The following CADPS variants were observed in gnomAD, a reference collection of about 807,000 sequenced individuals.
CADPS encodes calcium-dependent secretion activator 1.
A neutral mutation model predicts 167.3 loss-of-function variants in CADPS; 57 were observed. The ratio of observed to expected loss-of-function variants is 0.34; its 90% CI spans 0.28 to 0.42. The LOEUF is 0.42. Among genes scored for constraint, CADPS ranks in the 20% least tolerant of loss-of-function variants. CADPS has a pLI of 1.00. For synonymous variants in CADPS, 676 were observed against 635.3 expected (o/e 1.06, Z -0.96); for missense variants, 1,414 against 1,738.1 (o/e 0.81, Z 3.32).
At chr3:62,863,663 G>A (rs867883913) in intron 1 of CADPS, among the ~76,000 whole-genome samples, 2 of 152,142 alleles carry the variant, frequency 1.3e-5, no homozygotes, top group East Asian at 1.9e-4. Context: ...ATCTACTTAC[G>A]CCATGGAAGT....
At chr3:62,649,068 G>A (rs1430347944) in intron 5 of CADPS, among the ~76,000 whole-genome samples, 2 of 152,142 alleles carry the variant, frequency 1.3e-5, no homozygotes, top group Non-Finnish European at 2.9e-5. Context: ...CTTTAATGAT[G>A]TTTTAGAAAA....
rs140362868 is a variant in CADPS, at chr3:62,443,495, A to T, written c.3669+2270T>A. Among the ~76,000 whole-genome samples the T allele has an allele frequency of 2.9e-3, 445 of 152,218 alleles. 4 individuals carry two copies. Among genetic ancestry groups the T allele is most frequent in the African/African-American group, 9.8e-3 (408 of 41,532 alleles). ...TTGGCTGTGTCCCCACCCAAATCTC[A>T]TCTTGAATTATAGCTCCCACAATCC... is the stretch of plus-strand genomic sequence containing the variant. On this transcript the variant is annotated intron_variant, in intron 27 of 29. Transcript: ENST00000383710.
At chr3:62,529,294 T>C (rs1424472531) in intron 13 of CADPS, among the ~76,000 whole-genome samples, 1 of 152,188 alleles carries the variant, frequency 6.6e-6, no homozygotes, top group Non-Finnish European at 1.5e-5. Context: ...TAAGCCTCAA[T>C]AGGACCAGTC....
At chr3:62,802,530 G>A (rs1269313274) in intron 1 of CADPS, among the ~76,000 whole-genome samples, 9 of 152,104 alleles carry the variant, frequency 5.9e-5, no homozygotes. Context: ...AAAGTGATAG[G>A]CACCTAAAAC....
intron 16 of CADPS, among the ~76,000 whole-genome samples, chr3:62,513,077 A>G (rs1285381032): frequency 6.6e-6 from 1 of 152,156 alleles, no homozygotes; most frequent in African/African-American, 2.4e-5. Context: ...CAAAGTTTAG[A>G]GGACAAGGAC....
chr3:62,852,647 A>C (rs2078865644), intron 1 of CADPS, among the ~76,000 whole-genome samples: 1 of 152,068 alleles, frequency 6.6e-6, no homozygotes, highest in Non-Finnish European at 1.5e-5. Context: ...GTTTACTCTG[A>C]ATTTCCTGAC....
intron 1 of CADPS, among the ~76,000 whole-genome samples, chr3:62,781,202 C>A (rs1382902490): frequency 6.6e-6 from 1 of 152,072 alleles, no homozygotes; most frequent in Non-Finnish European, 1.5e-5. Flanking sequence ...AGGGCAGACT[C>A]CACAATCTCT....
chr3:62,470,165 T>A (rs906282766), intron 24 of CADPS, among the ~76,000 whole-genome samples: 1 of 152,202 alleles, frequency 6.6e-6, no homozygotes, highest in Non-Finnish European at 1.5e-5. Flanking sequence ...AAACTATGCT[T>A]AACAAATGTT....
intron 8 of CADPS, among the ~76,000 whole-genome samples, chr3:62,584,414 C>T (rs1191835361): frequency 6.6e-6 from 1 of 152,184 alleles, no homozygotes; most frequent in Non-Finnish European, 1.5e-5. Flanking sequence ...AGGGGCTAAG[C>T]AGAATGATAG....
intron 3 of CADPS, among the ~76,000 whole-genome samples, chr3:62,726,765 C>G (rs73107679): frequency 5.9e-5 from 9 of 151,872 alleles, no homozygotes; most frequent in South Asian, 2.1e-4. Context: ...TCCTACCAAC[C>G]AATAAACCCT....
chr3:62,550,806 T>A (rs1302541156), intron 10 of CADPS: 4 of 456,568 alleles, frequency 8.8e-6, no homozygotes, highest in Admixed American at 4.7e-5. Flanking sequence ...CTGAATCCAA[T>A]GACTGATTAA....
intron 1 of CADPS, among the ~76,000 whole-genome samples, chr3:62,830,490 G>A (rs1411741394): frequency 1.3e-5 from 2 of 152,150 alleles, no homozygotes; most frequent in Non-Finnish European, 2.9e-5. Flanking sequence ...TACTTGTGCT[G>A]TGTCTTTGTT....
At chr3:62,553,357 C>T (rs1044049690) in intron 10 of CADPS, among the ~76,000 whole-genome samples, 1 of 152,198 alleles carries the variant, frequency 6.6e-6, no homozygotes, top group South Asian at 2.1e-4. Context: ...TCCCAACAGC[C>T]TTATGATGTA....
intron 17 of CADPS, among the ~76,000 whole-genome samples, chr3:62,510,577 A>C (rs2067597542): frequency 6.6e-6 from 1 of 152,166 alleles, no homozygotes. Context: ...ATTAAATTGA[A>C]CATTTAATTT....
chr3:62,799,209 T>G (rs2093625237), intron 1 of CADPS, among the ~76,000 whole-genome samples: 1 of 152,152 alleles, frequency 6.6e-6, no homozygotes, highest in Admixed American at 6.6e-5. Context: ...TCTGAGGAAC[T>G]GTGCATTTCT....
At chr3:62,667,209 G>A (rs1361008964) in intron 3 of CADPS, among the ~76,000 whole-genome samples, 2 of 152,130 alleles carry the variant, frequency 1.3e-5, no homozygotes, top group South Asian at 2.1e-4. Context: ...GGTAGGTGTT[G>A]GCACATAGAG....
Position 62,478,032 on chromosome 3 carries a change from A to T in CADPS, c.3329+229T>A. Reference sequence around the variant, plus strand: ...CAGGGATCTTTTCCTCTTAAAGCCAACAACCATGAAAAAATTGGCAGCCAG... The same window carrying T: ...CAGGGATCTTTTCCTCTTAAAGCCATCAACCATGAAAAAATTGGCAGCCAG... On this transcript the variant is annotated intron_variant, in intron 23 of 29. Transcript: ENST00000383710. This position sits in a 1 kb window ranked among gnomAD's most constrained non-coding sequence, Gnocchi z 5.7. 1 of 508,010 alleles carries T rather than the reference A, an allele frequency of 2.0e-6. No individual in the cohort carries two copies. The highest frequency in any genetic ancestry group is 3.5e-6 in the Non-Finnish European group (1 of 283,594). 31.5% of individuals were successfully genotyped at this position (508,010 alleles called of 1,614,324 possible).
rs2083218831 is a variant in CADPS at position 62,874,227 on chromosome 3, G to A, written c.441+362C>T. Among the ~76,000 whole-genome samples, 3 of 152,160 alleles carry A rather than the reference G, an allele frequency of 2.0e-5. No homozygotes were observed. The highest frequency in any genetic ancestry group is 6.5e-5 in the Admixed American group (1 of 15,290). On this transcript the variant is annotated intron_variant, in intron 1 of 29. Transcript: ENST00000383710. This position sits in a 1 kb window ranked among gnomAD's most constrained non-coding sequence, Gnocchi z 7.1. ...GCCGCTGGAGAGCGCTGGGAGCCCT[G>A]CAAGCGAGCAAGGCCTCTCTGGGCG...
chr3:62,719,377 A>C (rs2075306141), intron 3 of CADPS, among the ~76,000 whole-genome samples: 1 of 152,116 alleles, frequency 6.6e-6, no homozygotes, highest in East Asian at 1.9e-4. Flanking sequence ...TACATACCAT[A>C]CTCAAGCACC....
Sources: gnomAD v4.1 joint callset for allele counts (sites outside exome capture counted in the v4.1 genomes callset) on GRCh38, gnomAD v4.1.1 for gene constraint, Gnocchi (gnomAD v3.1) non-coding constraint, MANE v1.5 for transcripts, NCBI Gene and HGNC (gene_info 2026-07-23, HGNC 2026-07-21) for gene names.